Variants in NUDT3 observed in about 807,000 individuals in gnomAD.
The protein encoded by NUDT3 is nudix hydrolase 3.
A neutral mutation model predicts 23.6 loss-of-function variants in NUDT3; 9 were observed. The observed-to-expected ratio is 0.38, with a 90% CI of 0.23 to 0.66. The LOEUF is 0.66. Among genes scored for constraint, NUDT3 ranks in the 30% least tolerant of loss-of-function variants. NUDT3 has a pLI of 0.52. For synonymous variants in NUDT3, 86 were observed against 82.6 expected (o/e 1.04, Z -0.22); for missense variants, 172 against 218.5 (o/e 0.79, Z 1.34).
At chr6:34,354,785 T>C (rs1764537162) in intron 1 of NUDT3, among the ~76,000 whole-genome samples, 1 of 147,802 alleles carries the variant, frequency 6.8e-6, no homozygotes, top group African/African-American at 2.5e-5. Context: ...TATTTTATAT[T>C]TGTATACTTT....
In NUDT3 at chr6:34,284,792, T is replaced by G. The variant is rs1331420420; in HGVS notation, c.*3961A>C. Reference sequence around the variant, plus strand: ...TTAAAAACCACAAAGGGTGACTTTTTTCTTCTAAGCAAGCAAGCCTGAGAG... The same window carrying G: ...TTAAAAACCACAAAGGGTGACTTTTGTCTTCTAAGCAAGCAAGCCTGAGAG... On this transcript the variant is annotated 3_prime_UTR_variant, in exon 5 of 5. Coordinates refer to ENST00000607016, the MANE Select transcript of NUDT3 (RefSeq NM_006703.4). 1.3e-5 allele frequency: 2 copies of G among 152,186 alleles called. No homozygotes were observed. The highest frequency in any genetic ancestry group is 2.9e-5 in the Non-Finnish European group (2 of 68,036). The allele number at this position is 152,186 out of a possible 1,614,324, so 9.4% of individuals were successfully genotyped here.
At chr6:34,332,826 A>G (rs1764148300) in intron 2 of NUDT3, among the ~76,000 whole-genome samples, 1 of 152,138 alleles carries the variant, frequency 6.6e-6, no homozygotes, top group Admixed American at 6.5e-5. Flanking sequence ...TTCTTGTGAT[A>G]ATACTCTTGG....
chr6:34,325,640 T>A (rs1764014389), intron 2 of NUDT3, among the ~76,000 whole-genome samples: 1 of 152,242 alleles, frequency 6.6e-6, no homozygotes, highest in African/African-American at 2.4e-5. Context: ...GAACAAAGGT[T>A]TTCCTGAAAT....
At chr6:34,356,713 A>G (rs1056719577) in intron 1 of NUDT3, among the ~76,000 whole-genome samples, 2 of 152,326 alleles carry the variant, frequency 1.3e-5, no homozygotes, top group South Asian at 2.1e-4. Flanking sequence ...GGGGGAAAAA[A>G]AAATCAATCA....
chr6:34,307,187 T>C (rs1408340664), intron 2 of NUDT3, among the ~76,000 whole-genome samples: 1 of 152,192 alleles, frequency 6.6e-6, no homozygotes, highest in East Asian at 1.9e-4. Context: ...GTAGCAGGAC[T>C]GCATGAGCCC....
At chr6:34,323,289 C>T (rs1001935460) in intron 2 of NUDT3, among the ~76,000 whole-genome samples, 2 of 151,990 alleles carry the variant, frequency 1.3e-5, no homozygotes, top group Non-Finnish European at 2.9e-5. Flanking sequence ...CAAAGAAAGA[C>T]GGGCTGGGCA....
chr6:34,352,691 T>C (rs1162827312), intron 1 of NUDT3, among the ~76,000 whole-genome samples: 1 of 152,192 alleles, frequency 6.6e-6, no homozygotes, highest in Non-Finnish European at 1.5e-5. Flanking sequence ...GTTCCCAAGG[T>C]AGCATGAACT....
chr6:34,336,895 A>G (rs1045892443), intron 2 of NUDT3, among the ~76,000 whole-genome samples: 3 of 152,232 alleles, frequency 2.0e-5, no homozygotes, highest in Non-Finnish European at 2.9e-5. Flanking sequence ...TACAAATAAA[A>G]AATCAGATCT....
chr6:34,347,410 G>A (rs1242929915), intron 1 of NUDT3, among the ~76,000 whole-genome samples: 1 of 152,102 alleles, frequency 6.6e-6, no homozygotes, highest in African/African-American at 2.4e-5. Flanking sequence ...TGATATCTAC[G>A]CAGAAGTGGA....
intron 1 of NUDT3, among the ~76,000 whole-genome samples, chr6:34,345,407 T>C (rs1764350982): frequency 6.6e-6 from 1 of 151,520 alleles, no homozygotes; most frequent in Admixed American, 6.6e-5. Flanking sequence ...CTCACGGCTG[T>C]AATCCCAGCA....
At chr6:34,308,078 G>A (rs1763708479) in intron 2 of NUDT3, among the ~76,000 whole-genome samples, 1 of 116,396 alleles carries the variant, frequency 8.6e-6, no homozygotes, top group African/African-American at 3.2e-5. Flanking sequence ...CCAAGATCGT[G>A]CCACTGCACT....
chr6:34,330,572 A>G (rs1764112078), intron 2 of NUDT3, among the ~76,000 whole-genome samples: 1 of 152,160 alleles, frequency 6.6e-6, no homozygotes, highest in Non-Finnish European at 1.5e-5. Context: ...CAAGGTGGAC[A>G]GATTGCTTGA....
chr6:34,294,815 TAG>T (rs142518027), intron 3 of NUDT3, among the ~76,000 whole-genome samples: 14,545 of 152,134 alleles, frequency 0.096, 794 homozygotes, highest in Non-Finnish European at 0.12. Flanking sequence ...TTTGTAGAGA[TAG>T]AGTCTCACTC....
intron 1 of NUDT3, among the ~76,000 whole-genome samples, chr6:34,368,077 T>C (rs1268951970): frequency 6.6e-6 from 1 of 152,182 alleles, no homozygotes; most frequent in Non-Finnish European, 1.5e-5. Context: ...GGCATGTGCC[T>C]GTAGTCCCAG....
chr6:34,297,224 G>A (rs960277408), intron 2 of NUDT3, among the ~76,000 whole-genome samples: 3 of 151,840 alleles, frequency 2.0e-5, no homozygotes, highest in Non-Finnish European at 2.9e-5. Flanking sequence ...GAGTCACCGC[G>A]CCTGGCCTGC....
At chr6:34,375,026 C>T (rs114518395) in intron 1 of NUDT3, among the ~76,000 whole-genome samples, 1 of 152,150 alleles carries the variant, frequency 6.6e-6, no homozygotes. Flanking sequence ...TAAATTCCAC[C>T]TCCTTTTGAG....
At chr6:34,349,626 C>A (rs1764436022) in intron 1 of NUDT3, among the ~76,000 whole-genome samples, 1 of 150,486 alleles carries the variant, frequency 6.6e-6, no homozygotes, top group Admixed American at 6.6e-5. Flanking sequence ...GGAAGGGGAA[C>A]ATGGGCATTT....
Position 34,348,426 on chromosome 6 carries a change from G to A in NUDT3, c.100-6454C>T, listed in dbSNP as rs555316080. Among the ~76,000 whole-genome samples the A allele has an allele frequency of 5.9e-5, 9 of 152,154 alleles. No homozygotes were observed. In the East Asian group the frequency reaches 1.7e-3, roughly 29 times the overall value. ...GAGCCCAGGAGGTCGAGGCTGCAGT[G>A]AGCTATGATCCCACTACTGCACTCC... On this transcript the variant is annotated intron_variant, in intron 1 of 4. Coordinates refer to ENST00000607016, the MANE Select transcript of NUDT3 (RefSeq NM_006703.4).
At chr6:34,359,961 A>G (rs1581889444) in intron 1 of NUDT3, among the ~76,000 whole-genome samples, 1 of 152,266 alleles carries the variant, frequency 6.6e-6, no homozygotes, top group East Asian at 1.9e-4. Flanking sequence ...ACATGTTAAA[A>G]CTAGTTTTAA....
Sources: gnomAD v4.1 joint callset for allele counts (sites outside exome capture counted in the v4.1 genomes callset) on GRCh38, gnomAD v4.1.1 for gene constraint, MANE v1.5 for transcripts, NCBI Gene and HGNC (gene_info 2026-07-23, HGNC 2026-07-21) for gene names.